Variants in PPIG observed in about 807,000 individuals in gnomAD.
PPIG encodes the protein peptidylprolyl isomerase G, also known as peptidyl-prolyl cis-trans isomerase G.
PPIG carries 26 observed loss-of-function variants against 87.9 expected under a neutral mutation model. That is an observed-to-expected ratio of 0.30 (90% CI 0.22 to 0.41). PPIG has a LOEUF of 0.41. Among genes scored for constraint, PPIG ranks in the 10% least tolerant of loss-of-function variants. PPIG has a pLI of 1.00. For missense variants in PPIG, 722 were observed against 879.4 expected, an observed-to-expected ratio of 0.82 and a Z score of 2.26; for synonymous variants, 308 against 276.5, an observed-to-expected ratio of 1.11 and a Z score of -1.13.
At position 169,606,101 on chromosome 2, in the gene PPIG, A is replaced by G. The variant is rs200123511; in HGVS notation, c.199A>G (p.Arg67Gly). 6.2e-7 allele frequency: 1 copy of G among 1,613,352 alleles called. No individual in the cohort carries two copies. The highest frequency in any genetic ancestry group is 8.5e-7 in the Non-Finnish European group (1 of 1,179,368). The change falls in exon 5 of 14, where the codon AGA (arginine) becomes GGA (glycine). Residue 67 changes from arginine (R) to glycine (G), a missense_variant. Arg to Gly is a moderately radical substitution (Grantham distance 125). Transcript: ENST00000260970. ...PLHYKSCLFH[R>G]VVKDFMVQGG... The stretch of plus-strand genomic sequence containing the variant: ...ACATTATAAGAGTTGTCTCTTTCAC[A>G]GAGTTGTCAAGGATTTTATGGTTCA...
intron 1 of PPIG, among the ~76,000 whole-genome samples, chr2:169,594,997 C>T (rs924251189): frequency 1.3e-5 from 2 of 152,028 alleles, no homozygotes; most frequent in African/African-American, 4.8e-5. Context: ...GGCATGATCT[C>T]AGCTCACTAC....
rs1686295839 is a variant in PPIG, at chr2:169,640,859, CAA to C, written c.*3338_*3339del. 6.6e-6 allele frequency: 1 copy of C among 151,860 alleles called. No individual in the cohort carries two copies. The highest frequency in any genetic ancestry group is 6.6e-5 in the Admixed American group (1 of 15,240). 9.4% of individuals were successfully genotyped at this position (151,860 alleles called of 1,614,324 possible). A position where few individuals can be genotyped will look rare whatever the true frequency, so the allele number is the denominator to read the frequency against. The stretch of plus-strand genomic sequence containing the variant: ...GCAAAGTCTTTGGCCTATTGTGTGA[CAA>C]AGAGGTATATATTAAAGGAAAAGAA... On this transcript the variant is annotated 3_prime_UTR_variant, in exon 14 of 14. Coordinates refer to ENST00000260970, the MANE Select transcript of PPIG (RefSeq NM_004792.3).
chr2:169,635,589 T>TA (rs1278517029), intron 12 of PPIG, among the ~76,000 whole-genome samples: 1 of 152,212 alleles, frequency 6.6e-6, no homozygotes, highest in African/African-American at 2.4e-5. Flanking sequence ...CAGTATGTAA[T>TA]AAGAGTGTTT....
intron 6 of PPIG, 77 bp downstream of exon 6, chr2:169,607,225 CATT>C (rs1685357692): frequency 8.7e-6 from 8 of 921,242 alleles, no homozygotes; most frequent in African/African-American, 8.5e-5. Context: ...GAATCAATAA[CATT>C]ATTCATTAAA....
In PPIG at chr2:169,637,878, G is replaced by A. The variant is rs774691178; in HGVS notation, c.*355G>A. Reference sequence around the variant, plus strand: ...TTGCAATGCATTGTTGCAAAAGCTTGTGTTTCTCATGATTAAAGTAACTTT... The same window carrying A: ...TTGCAATGCATTGTTGCAAAAGCTTATGTTTCTCATGATTAAAGTAACTTT... On this transcript the variant is annotated 3_prime_UTR_variant, in exon 14 of 14. Transcript: ENST00000260970. The A allele has an allele frequency of 4.0e-4, 64 of 161,122 alleles. No individual in the cohort carries two copies. The highest frequency in any genetic ancestry group is 7.3e-4 in the Non-Finnish European group (54 of 74,082). The allele number at this position is 161,122 out of a possible 1,614,324, so 10.0% of individuals were successfully genotyped here.
intron 9 of PPIG, among the ~76,000 whole-genome samples, chr2:169,621,784 C>A (rs897651869): frequency 3.3e-5 from 5 of 150,146 alleles, no homozygotes; most frequent in African/African-American, 1.2e-4. Flanking sequence ...GTGTTAGGAT[C>A]TGTTGCCTCC....
intron 12 of PPIG, among the ~76,000 whole-genome samples, chr2:169,634,029 A>G (rs983055525): frequency 6.7e-4 from 102 of 151,904 alleles, no homozygotes; most frequent in African/African-American, 2.4e-3. Flanking sequence ...AGGTTTCACC[A>G]TGTTGGCCAG....
chr2:169,584,485 G>A lies in PPIG; in HGVS notation c.-75G>A, dbSNP rs532755567. ...CCCAGAGAAGAGGAAAACTCTACCG[G>A]TGCAGGTAAGTGGTATGAGGCTCAA... On this transcript the variant is annotated 5_prime_UTR_variant, in exon 1 of 14. It adds an upstream start codon to the 5' untranslated region. Coordinates refer to ENST00000260970, the MANE Select transcript of PPIG (RefSeq NM_004792.3). 1.3e-5 allele frequency: 6 copies of A among 470,768 alleles called. No individual in the cohort carries two copies. The highest frequency in any genetic ancestry group is 1.0e-4 in the African/African-American group (5 of 50,182). The allele number at this position is 470,768 out of a possible 1,614,324, so 29.2% of individuals were successfully genotyped here.
rs1011922563 is a variant in PPIG, at chr2:169,641,285, CTT to C, written c.*3763_*3764del. On this transcript the variant is annotated 3_prime_UTR_variant, in exon 14 of 14. Coordinates refer to ENST00000260970, the MANE Select transcript of PPIG (RefSeq NM_004792.3). ...AAATTAGTTTCAAAATGCTGCTTCT[CTT>C]ATCATTAGTCTAGTAATTGTTGAAC... 1 of 152,044 alleles carries C rather than the reference CTT, an allele frequency of 6.6e-6. No homozygotes were observed. Among genetic ancestry groups the C allele is most frequent in the African/African-American group, 2.4e-5 (1 of 41,398 alleles). The allele number at this position is 152,044 out of a possible 1,614,324, so 9.4% of individuals were successfully genotyped here.
chr2:169,633,419 C>A, intron 12 of PPIG, 172 bp downstream of exon 12: 1 of 640,476 alleles, frequency 1.6e-6, no homozygotes. Flanking sequence ...GTTGGTACTT[C>A]CCAACAGAAA....
intron 12 of PPIG, among the ~76,000 whole-genome samples, chr2:169,634,189 T>C (rs1008647841): frequency 6.6e-6 from 1 of 152,068 alleles, no homozygotes; most frequent in Non-Finnish European, 1.5e-5. Flanking sequence ...CCCTCCCAAG[T>C]AGCTGGGACT....
At chr2:169,622,732 T>C (rs1242329911) in intron 9 of PPIG, among the ~76,000 whole-genome samples, 2 of 152,236 alleles carry the variant, frequency 1.3e-5, no homozygotes, top group African/African-American at 4.8e-5. Context: ...GCCCCTGTTA[T>C]TCCATAATCC....
intron 1 of PPIG, among the ~76,000 whole-genome samples, chr2:169,590,345 C>T (rs1254119288): frequency 6.6e-6 from 1 of 151,688 alleles, no homozygotes; most frequent in Non-Finnish European, 1.5e-5. Flanking sequence ...ATCATTTAAA[C>T]CTTAGAAAGT....
chr2:169,587,532 G>A (rs1479525550), intron 1 of PPIG, among the ~76,000 whole-genome samples: 2 of 152,100 alleles, frequency 1.3e-5, no homozygotes, highest in Non-Finnish European at 2.9e-5. Context: ...GAGCCACCGT[G>A]CCCAGACCTT....
chr2:169,631,298 T>C, intron 10 of PPIG: 1 of 306,896 alleles, frequency 3.3e-6, no homozygotes, highest in Non-Finnish European at 5.9e-6. Flanking sequence ...TTGTTTTTCC[T>C]ATTTTCAGTA....
intron 6 of PPIG, among the ~76,000 whole-genome samples, chr2:169,608,453 G>A (rs527960314): frequency 6.6e-6 from 1 of 151,158 alleles, no homozygotes; most frequent in South Asian, 2.1e-4. Context: ...TTGGGCCACT[G>A]CACTCCAGCC....
intron 9 of PPIG, among the ~76,000 whole-genome samples, chr2:169,618,164 T>C (rs974340231): frequency 6.6e-5 from 10 of 152,234 alleles, no homozygotes; most frequent in African/African-American, 2.4e-4. Flanking sequence ...TTTATTGATT[T>C]ATGTATGTTG....
In PPIG at chr2:169,596,125, C is replaced by CG. The variant is rs769118474; in HGVS notation, c.-69-7515dup. ...GGCCTTTTTGTTTGTTTTTTTGAGA[C>CG]GGAGTCTCACTCTTGCCCAGGCTGG... is the stretch of plus-strand genomic sequence containing the variant. On this transcript the variant is annotated intron_variant, in intron 1 of 13. Coordinates refer to ENST00000260970, the MANE Select transcript of PPIG (RefSeq NM_004792.3). Among the ~76,000 whole-genome samples the CG allele has an allele frequency of 8.5e-4, 117 of 137,482 alleles. 1 individual carries two copies. The highest frequency in any genetic ancestry group is 1.5e-3 in the Non-Finnish European group (94 of 64,036). 90.2% of individuals were successfully genotyped at this position (137,482 alleles called of 152,430 possible).
rs1189828947 is a variant in PPIG, at chr2:169,631,905, AACAG to A, written c.903_906del (p.Asn301LysfsTer24). ...TAAAGCTGATGAGAAGGAAAGGAAA[AACAG>A]AGAGAGAGAAAGGGAAAGAGAGTGG... is the stretch of plus-strand genomic sequence containing the variant. On this transcript the variant is annotated frameshift_variant, in exon 11 of 14. Coordinates refer to ENST00000260970, the MANE Select transcript of PPIG (RefSeq NM_004792.3). LOFTEE classifies it high-confidence loss of function. 1 of 1,604,222 alleles carries A rather than the reference AACAG, an allele frequency of 6.2e-7. No homozygotes were observed.
Sources: gnomAD v4.1 joint callset for allele counts (sites outside exome capture counted in the v4.1 genomes callset) on GRCh38, gnomAD v4.1.1 for gene constraint, MANE v1.5 for transcripts, NCBI Gene and HGNC (gene_info 2026-07-23, HGNC 2026-07-21) for gene names.